HNF4G: variants seen among roughly 807,000 people sequenced by gnomAD.
HNF4G encodes the protein hepatocyte nuclear factor 4 gamma, also known as hepatocyte nuclear factor 4-gamma.
HNF4G carries 21 observed loss-of-function variants against 50.9 expected under a neutral mutation model. That is an observed-to-expected ratio of 0.41 (90% CI 0.29 to 0.59). The LOEUF (loss-of-function observed/expected upper bound fraction) is 0.59. Ranked by LOEUF, HNF4G falls within the 20% of genes least tolerant of loss-of-function variation. HNF4G has a pLI of 0.26. For missense variants in HNF4G, 527 were observed against 559.4 expected (o/e 0.94, Z 0.58); for synonymous variants, 198 against 185.6 (o/e 1.07, Z -0.54).
chr8:75,454,158 T>C (rs1811661364), intron 1 of HNF4G, among the ~76,000 whole-genome samples: 1 of 147,650 alleles, frequency 6.8e-6, no homozygotes, highest in South Asian at 2.2e-4. Flanking sequence ...AAAGGCCCTG[T>C]GAGGACACAG....
At chr8:75,552,035 A>G (rs1563552025) in intron 4 of HNF4G, among the ~76,000 whole-genome samples, 1 of 152,238 alleles carries the variant, frequency 6.6e-6, no homozygotes, top group African/African-American at 2.4e-5. Context: ...CATTAGTTAT[A>G]TACATAAAAA....
At chr8:75,525,345 T>C (rs1210800054) in intron 2 of HNF4G, among the ~76,000 whole-genome samples, 1 of 152,156 alleles carries the variant, frequency 6.6e-6, no homozygotes, top group Non-Finnish European at 1.5e-5. Flanking sequence ...ATTTTTTGTA[T>C]TTTTAGTGGA....
At chr8:75,530,632 T>G (rs1393434040) in intron 2 of HNF4G, among the ~76,000 whole-genome samples, 2 of 152,050 alleles carry the variant, frequency 1.3e-5, no homozygotes, top group Non-Finnish European at 2.9e-5. Flanking sequence ...GTTCAAAAAT[T>G]TAGAAGGATT....
chr8:75,482,379 A>G (rs10957765), intron 1 of HNF4G, among the ~76,000 whole-genome samples: 39,258 of 150,644 alleles, frequency 0.26, 6,281 homozygotes, highest in African/African-American at 0.45. Flanking sequence ...CTTCTGCTCC[A>G]TTTTTAGAAG....
chr8:75,411,620 T>C (rs536336159), intron 1 of HNF4G, among the ~76,000 whole-genome samples: 1 of 152,268 alleles, frequency 6.6e-6, no homozygotes, highest in East Asian at 1.9e-4. Context: ...GGAAAACGAA[T>C]AGGGAGTTCA....
chr8:75,470,729 G>T (rs1326509678), intron 1 of HNF4G, among the ~76,000 whole-genome samples: 1 of 152,184 alleles, frequency 6.6e-6, no homozygotes, highest in Non-Finnish European at 1.5e-5. Flanking sequence ...GCCTGACATT[G>T]TGTCAAGGCA....
intron 1 of HNF4G, among the ~76,000 whole-genome samples, chr8:75,451,987 A>T (rs1273522415): frequency 6.6e-6 from 1 of 152,122 alleles, no homozygotes; most frequent in Non-Finnish European, 1.5e-5. Context: ...AGCAAACATT[A>T]CTTCTGATCC....
intron 2 of HNF4G, among the ~76,000 whole-genome samples, chr8:75,526,789 T>C (rs1030361890): frequency 2.7e-5 from 4 of 150,294 alleles, no homozygotes; most frequent in Middle Eastern, 3.4e-3. Flanking sequence ...TTCTTTGAGA[T>C]GGAGTCTCGT....
At chr8:75,530,819 G>T (rs1450872522) in intron 2 of HNF4G, among the ~76,000 whole-genome samples, 2 of 137,024 alleles carry the variant, frequency 1.5e-5, no homozygotes, top group South Asian at 2.2e-4. Flanking sequence ...TTGAGACAGG[G>T]TCTCACTCTG....
intron 1 of HNF4G, among the ~76,000 whole-genome samples, chr8:75,423,135 C>A (rs986672413): frequency 1.3e-5 from 2 of 152,046 alleles, no homozygotes; most frequent in Non-Finnish European, 2.9e-5. Flanking sequence ...CCAAACTATA[C>A]ATCCATTTGA....
intron 2 of HNF4G, among the ~76,000 whole-genome samples, chr8:75,511,119 A>G (rs955470378): frequency 6.6e-5 from 10 of 152,122 alleles, no homozygotes; most frequent in African/African-American, 2.4e-4. Flanking sequence ...AATTATTATT[A>G]TATTCTAAAA....
rs1268189330 is a variant in HNF4G at position 75,447,789 on chromosome 8, G to T, written c.-144+39627G>T. Among the ~76,000 whole-genome samples the T allele has an allele frequency of 6.9e-3, 839 of 121,010 alleles. 10 individuals carry two copies. The highest frequency in any genetic ancestry group is 0.026 in the African/African-American group (805 of 31,428). 79.4% of individuals were successfully genotyped at this position (121,010 alleles called of 152,430 possible). A position where few individuals can be genotyped will look rare whatever the true frequency, so the allele number is the denominator to read the frequency against. On this transcript the variant is annotated intron_variant, in intron 1 of 10. Transcript: ENST00000354370. The stretch of plus-strand genomic sequence containing the variant: ...ATTAAAAAGTCAGGAAACAACAGGT[G>T]CTGGAGAGGATGTGGAGAAATAGGA...
intron 1 of HNF4G, among the ~76,000 whole-genome samples, chr8:75,476,431 C>G (rs1205771406): frequency 6.6e-6 from 1 of 152,124 alleles, no homozygotes; most frequent in Non-Finnish European, 1.5e-5. Context: ...ATAAGCATTC[C>G]CTTTTCTCCA....
chr8:75,441,192 A>C (rs934985362), intron 1 of HNF4G, among the ~76,000 whole-genome samples: 2 of 151,310 alleles, frequency 1.3e-5, no homozygotes, highest in African/African-American at 4.9e-5. Flanking sequence ...TTAACATGAG[A>C]GCTACCTTGT....
intron 1 of HNF4G, among the ~76,000 whole-genome samples, chr8:75,444,549 A>G (rs1315448728): frequency 2.5e-5 from 3 of 122,290 alleles, no homozygotes; most frequent in Admixed American, 8.2e-5. Flanking sequence ...ACGTGCAGAG[A>G]CACACATAGG....
chr8:75,447,736 T>C (rs1306175611), intron 1 of HNF4G, among the ~76,000 whole-genome samples: 4 of 148,230 alleles, frequency 2.7e-5, no homozygotes, highest in African/African-American at 7.4e-5. Context: ...CTATGAGATA[T>C]CATCTCACAC....
At chr8:75,454,025 T>TC (rs1811653578) in intron 1 of HNF4G, among the ~76,000 whole-genome samples, 2 of 133,836 alleles carry the variant, frequency 1.5e-5, no homozygotes, top group African/African-American at 2.9e-5. Flanking sequence ...AAGAAGAAAT[T>TC]TCTCTCTCTC....
chr8:75,552,953 G>A, intron 4 of HNF4G, 89 bp from the exon 5 acceptor site: 1 of 816,996 alleles, frequency 1.2e-6, no homozygotes, highest in South Asian at 1.9e-5. Context: ...TACTTCTATG[G>A]CCTTTACTTA....
chr8:75,537,245 TTTTATTTTA>T (rs570383722), upstream of HNF4G, among the ~76,000 whole-genome samples: 22 of 152,014 alleles, frequency 1.4e-4, 1 homozygote, highest in South Asian at 4.4e-3. Flanking sequence ...TTTTATTTTA[TTTTATTTTA>T]TTTTTTTGAA....
Sources: allele counts gnomAD v4.1 joint callset (sites outside exome capture counted in the v4.1 genomes callset), GRCh38; gene constraint gnomAD v4.1.1; transcripts MANE v1.5; gene names NCBI Gene and HGNC (gene_info 2026-07-23, HGNC 2026-07-21).